The following MACF1 variants were observed in gnomAD, a reference collection of about 807,000 sequenced individuals.
MACF1 encodes the protein microtubule-actin cross-linking factor 1.
Under a neutral mutation model 854.8 loss-of-function variants are expected in MACF1, and 193 were observed. The ratio of observed to expected loss-of-function variants is 0.23; its 90% CI spans 0.20 to 0.25. The LOEUF is 0.25. Ranked by LOEUF, MACF1 falls within the 10% of genes least tolerant of loss-of-function variation. The pLI is 1.00. For synonymous variants in MACF1, 3,185 were observed against 3,226.7 expected, an observed-to-expected ratio of 0.99 and a Z score of 0.44; for missense variants, 7,722 against 8,929.1, an observed-to-expected ratio of 0.86 and a Z score of 5.45.
intron 31 of MACF1, among the ~76,000 whole-genome samples, chr1:39,320,268 G>C (rs1646489627): frequency 6.6e-6 from 1 of 152,108 alleles, no homozygotes; most frequent in Non-Finnish European, 1.5e-5. Flanking sequence ...AGTACCCTCT[G>C]AGCTGGTCTC....
intron 2 of MACF1, among the ~76,000 whole-genome samples, chr1:39,136,917 G>C (rs184620028): frequency 6.6e-6 from 1 of 152,086 alleles, no homozygotes; most frequent in Non-Finnish European, 1.5e-5. Context: ...ACTTTTACTT[G>C]TTTCTTGGAA....
At chr1:39,177,227 C>T (rs1396184801) in intron 2 of MACF1, among the ~76,000 whole-genome samples, 1 of 152,160 alleles carries the variant, frequency 6.6e-6, no homozygotes, top group Non-Finnish European at 1.5e-5. Flanking sequence ...CCCCCGCCTC[C>T]CAGGTTCAAG....
intron 2 of MACF1, among the ~76,000 whole-genome samples, chr1:39,174,118 CCTTT>C (rs1470728300): frequency 6.6e-6 from 1 of 152,160 alleles, no homozygotes; most frequent in Non-Finnish European, 1.5e-5. Context: ...CTTCTACTAG[CCTTT>C]CTTTCTTCCT....
intron 58 of MACF1, among the ~76,000 whole-genome samples, chr1:39,418,992 G>A (rs1392751632): frequency 6.6e-6 from 1 of 152,174 alleles, no homozygotes; most frequent in African/African-American, 2.4e-5. Flanking sequence ...TTTGGAAAAT[G>A]TCTGCCAGTA....
At chr1:39,449,908 G>A (rs752687101) in intron 84 of MACF1, among the ~76,000 whole-genome samples, 7 of 152,008 alleles carry the variant, frequency 4.6e-5, no homozygotes, top group Non-Finnish European at 1.0e-4. Context: ...CATCCAGGCT[G>A]GAGTGCAGTG....
chr1:39,228,934 G>A (rs143376166), intron 1 of MACF1, among the ~76,000 whole-genome samples: 5 of 152,296 alleles, frequency 3.3e-5, no homozygotes, highest in African/African-American at 9.6e-5. Flanking sequence ...GATTACAGGC[G>A]TGAGCCACCA....
chr1:39,114,596 A>G (rs1222600659), intron 2 of MACF1, among the ~76,000 whole-genome samples: 2 of 152,222 alleles, frequency 1.3e-5, no homozygotes, highest in African/African-American at 4.8e-5. Flanking sequence ...ATTTTAGAGT[A>G]ATCAGAGAAA....
rs971548337 is a variant in MACF1 at position 39,334,945 on chromosome 1, A to G, written c.8357A>G (p.Asn2786Ser). Reference protein sequence around the residue: ...QEGIEVCALQNEFLGKDMLIA... With the variant: ...QEGIEVCALQSEFLGKDMLIA... Reference sequence around the variant, plus strand: ...GGGATTGAAGTGTGTGCATTACAAAATGAATTTCTAGGAAAGGATATGTTA... The same window carrying G: ...GGGATTGAAGTGTGTGCATTACAAAGTGAATTTCTAGGAAAGGATATGTTA... Residue 2786 changes from asparagine (N) to serine (S), a missense_variant, in exon 37 of 101, where the codon AAT (asparagine) becomes AGT (serine). Asn to Ser is a conservative substitution (Grantham distance 46, BLOSUM62 1). This residue lies in a region of MACF1 where 1,531 missense variants were observed against 1,601.6 expected (regional missense o/e 0.96). Coordinates refer to ENST00000564288, the MANE Select transcript of MACF1 (RefSeq NM_001394062.1). 6.2e-7 allele frequency: 1 copy of G among 1,614,206 alleles called. No individual in the cohort carries two copies. Among genetic ancestry groups the G allele is most frequent in the Admixed American group, 1.7e-5 (1 of 60,026 alleles).
At chr1:39,300,488 T>G (rs770237018) in intron 22 of MACF1, 126 bp downstream of exon 22, 20 of 1,000,418 alleles carry the variant, frequency 2.0e-5, no homozygotes, top group Non-Finnish European at 2.6e-5. Flanking sequence ...TTAAACATGC[T>G]GAAGTCTCTC....
intron 2 of MACF1, among the ~76,000 whole-genome samples, chr1:39,124,473 T>C (rs1276924224): frequency 6.6e-6 from 1 of 152,214 alleles, no homozygotes; most frequent in Non-Finnish European, 1.5e-5. Context: ...AATTTAGTAA[T>C]GTCTGTATCA....
At chr1:39,157,416 G>A (rs1183523276) in intron 2 of MACF1, among the ~76,000 whole-genome samples, 2 of 152,306 alleles carry the variant, frequency 1.3e-5, no homozygotes, top group Admixed American at 1.3e-4. Flanking sequence ...GCAGAGCAGT[G>A]TATTTGGTAT....
chr1:39,195,943 G>A (rs1433713261), intron 2 of MACF1, among the ~76,000 whole-genome samples: 4 of 152,128 alleles, frequency 2.6e-5, no homozygotes, highest in African/African-American at 4.8e-5. Flanking sequence ...CCAAGGTTTC[G>A]TACAGTCTGA....
chr1:39,137,554 C>T (rs1643209984), intron 2 of MACF1, among the ~76,000 whole-genome samples: 1 of 152,150 alleles, frequency 6.6e-6, no homozygotes, highest in South Asian at 2.1e-4. Context: ...TTTGTAAAGA[C>T]GAAGTCTCAT....
intron 23 of MACF1, chr1:39,304,603 G>T: frequency 3.0e-6 from 2 of 656,768 alleles, no homozygotes; most frequent in Non-Finnish European, 5.1e-6. Context: ...TTGCTCTGTC[G>T]CTCAGGCTGG....
chr1:39,363,419 A>G (rs1648376740), intron 49 of MACF1, among the ~76,000 whole-genome samples: 1 of 152,100 alleles, frequency 6.6e-6, no homozygotes. Context: ...ACATACACAC[A>G]CATTCTTATT....
chr1:39,334,356 G>A lies in MACF1; in HGVS notation c.7768G>A (p.Gly2590Ser), dbSNP rs1646776174. The change falls in exon 37 of 101, where the codon GGT becomes AGT. Residue 2590 changes from glycine (G) to serine (S), a missense_variant. Gly to Ser is a moderately conservative substitution (Grantham distance 56, BLOSUM62 0). Coordinates refer to ENST00000564288, the MANE Select transcript of MACF1 (RefSeq NM_001394062.1). Reference protein sequence around the residue: ...FTGNFVDLISGQRLTLAEAKK... With the variant: ...FTGNFVDLISSQRLTLAEAKK... ...TGGAAACTTTGTGGATCTCATTTCT[G>A]GTCAGAGATTGACCTTGGCAGAAGC... 1.2e-6 allele frequency: 2 copies of A among 1,614,040 alleles called. No homozygotes were observed. The highest frequency in any genetic ancestry group is 2.2e-5 in the East Asian group (1 of 44,876).
At chr1:39,188,007 C>T (rs1212724654) in intron 2 of MACF1, among the ~76,000 whole-genome samples, 1 of 138,466 alleles carries the variant, frequency 7.2e-6, no homozygotes, top group Non-Finnish European at 1.5e-5. Context: ...CCTTCCCTTC[C>T]CTTTCTTTTC....
At chr1:39,341,906 TTTG>T (rs1295295762) in intron 40 of MACF1, among the ~76,000 whole-genome samples, 5 of 151,914 alleles carry the variant, frequency 3.3e-5, no homozygotes, top group Non-Finnish European at 7.4e-5. Context: ...CAGGAGATTT[TTTG>T]TTGTTGTTTT....
intron 27 of MACF1, 109 bp from the exon 28 acceptor site, chr1:39,316,282 A>C: frequency 1.2e-6 from 1 of 841,478 alleles, no homozygotes; most frequent in South Asian, 3.2e-5. Context: ...AAATGGTGAC[A>C]TTGATTTTGG....
Sources: allele counts gnomAD v4.1 joint callset (sites outside exome capture counted in the v4.1 genomes callset), GRCh38; gene constraint gnomAD v4.1.1; regional missense constraint gnomAD v4.1.1; transcripts MANE v1.5; gene names NCBI Gene and HGNC (gene_info 2026-07-23, HGNC 2026-07-21).